GREB1L: variants seen among roughly 807,000 people sequenced by gnomAD.
GREB1L encodes GREB1 like retinoic acid receptor coactivator.
In GREB1L, 17 loss-of-function variants were observed where a neutral mutation model predicts 200.8. That is an observed-to-expected ratio of 0.08 (90% CI 0.06 to 0.13). The LOEUF is 0.13. GREB1L is among the 10% of genes least tolerant of loss of function. The pLI, the probability that GREB1L is intolerant of heterozygous loss-of-function variation, is 1.00. For missense variants in GREB1L, 1,657 were observed against 2,367.7 expected (o/e 0.70, Z 6.23); for synonymous variants, 789 against 893.0 (o/e 0.88, Z 2.08).
At chr18:21,448,037 C>A (rs552260708) in intron 11 of GREB1L, among the ~76,000 whole-genome samples, 1 of 151,980 alleles carries the variant, frequency 6.6e-6, no homozygotes, top group East Asian at 1.9e-4. Flanking sequence ...TTGGGCATGC[C>A]TGTAATCCCA....
At chr18:21,252,413 C>T (rs925140162) in intron 1 of GREB1L, among the ~76,000 whole-genome samples, 2 of 151,668 alleles carry the variant, frequency 1.3e-5, no homozygotes, top group African/African-American at 4.8e-5. Context: ...CAAAACTAGC[C>T]TGGTATGGTG....
intron 1 of GREB1L, among the ~76,000 whole-genome samples, chr18:21,249,080 T>C (rs985662712): frequency 6.6e-6 from 1 of 152,184 alleles, no homozygotes; most frequent in Admixed American, 6.5e-5. Flanking sequence ...AAAATCAAGT[T>C]GTAGTAAATA....
intron 1 of GREB1L, among the ~76,000 whole-genome samples, chr18:21,364,445 G>A (rs2039629731): frequency 6.6e-6 from 1 of 151,588 alleles, no homozygotes; most frequent in Admixed American, 6.6e-5. Context: ...GTTGGCCAGG[G>A]AGTAAGAAAG....
chr18:21,500,691 T>C lies in GREB1L; in HGVS notation c.4072+49T>C, dbSNP rs374869976. 4.7e-4 allele frequency: 612 copies of C among 1,303,760 alleles called. 3 individuals carry two copies. The highest frequency in any genetic ancestry group is 6.2e-4 in the Non-Finnish European group (592 of 949,638). 80.8% of individuals were successfully genotyped at this position (1,303,760 alleles called of 1,614,324 possible). A position where few individuals can be genotyped will look rare whatever the true frequency, so the allele number is the denominator to read the frequency against. On this transcript the variant is annotated intron_variant, in intron 23 of 32. Transcript: ENST00000424526. The stretch of plus-strand genomic sequence containing the variant: ...GGCAGAGGGGCAAGAGACAAAGACA[T>C]TGAATTGCAAATCCCGGGAACTTGC...
chr18:21,456,745 C>G (rs1296325066), intron 15 of GREB1L, among the ~76,000 whole-genome samples: 2 of 152,182 alleles, frequency 1.3e-5, no homozygotes, highest in East Asian at 1.9e-4. Flanking sequence ...AATGCCTTCT[C>G]TCATGGCTCT....
intron 1 of GREB1L, among the ~76,000 whole-genome samples, chr18:21,303,814 A>T (rs1254853569): frequency 2.6e-5 from 4 of 152,194 alleles, no homozygotes; most frequent in African/African-American, 9.6e-5. Context: ...ATATAAGGTC[A>T]TACTTATTGG....
chr18:21,334,782 A>AC (rs1289825025), intron 1 of GREB1L, among the ~76,000 whole-genome samples: 1 of 152,184 alleles, frequency 6.6e-6, no homozygotes, highest in East Asian at 1.9e-4. Context: ...CAAAAAAAAA[A>AC]AAAATTGCCC....
chr18:21,250,700 C>T (rs2037688330), intron 1 of GREB1L, among the ~76,000 whole-genome samples: 2 of 152,152 alleles, frequency 1.3e-5, no homozygotes, highest in African/African-American at 2.4e-5. Context: ...TTGGGGTATT[C>T]AGGGAACTCT....
At chr18:21,338,300 C>T (rs998813620) in intron 1 of GREB1L, among the ~76,000 whole-genome samples, 2 of 152,202 alleles carry the variant, frequency 1.3e-5, no homozygotes, top group African/African-American at 4.8e-5. Flanking sequence ...TGATGCAGTC[C>T]TTGAGCTAGA....
At chr18:21,277,334 A>C (rs1052426501) in intron 1 of GREB1L, among the ~76,000 whole-genome samples, 2 of 152,192 alleles carry the variant, frequency 1.3e-5, no homozygotes, top group African/African-American at 4.8e-5. Context: ...CCAGGTTGCC[A>C]TGCTAGGGGT....
intron 5 of GREB1L, among the ~76,000 whole-genome samples, chr18:21,396,363 C>A (rs967735455): frequency 6.6e-6 from 1 of 152,206 alleles, no homozygotes; most frequent in Admixed American, 6.5e-5. Context: ...TTTATTAATT[C>A]TCAAAACACT....
intron 1 of GREB1L, among the ~76,000 whole-genome samples, chr18:21,275,023 C>T (rs1385272551): frequency 2.0e-5 from 3 of 152,154 alleles, no homozygotes; most frequent in East Asian, 3.8e-4. Flanking sequence ...GGGCCGATCA[C>T]GAGGTCAGGA....
At chr18:21,491,191 T>TA (rs1416722252) in intron 19 of GREB1L, among the ~76,000 whole-genome samples, 1 of 152,192 alleles carries the variant, frequency 6.6e-6, no homozygotes, top group African/African-American at 2.4e-5. Flanking sequence ...CTAGCTACTG[T>TA]ATGTCTGAGT....
At chr18:21,377,647 G>A (rs569428755) in intron 2 of GREB1L, among the ~76,000 whole-genome samples, 3 of 152,286 alleles carry the variant, frequency 2.0e-5, no homozygotes, top group East Asian at 3.9e-4. Context: ...AGTGAGCCAA[G>A]ATTGTGCCAC....
rs1478110628 is a variant in GREB1L at position 21,401,234 on chromosome 18, C to T, written c.617C>T (p.Thr206Ile). The change falls in exon 6 of 33, where the codon ACC becomes ATC. Residue 206 changes from threonine (T) to isoleucine (I), a missense_variant. Thr to Ile is a moderately conservative substitution (Grantham distance 89). Transcript: ENST00000424526. ...TCCAACCACATTAACTTGAAGCTCA[C>T]CACTCAGCCAAAGAAGCAGAAGCAC... ...EFSNHINLKL[T>I]TQPKKQKHLK... The T allele has an allele frequency of 1.3e-6, 2 of 1,551,360 alleles. No homozygotes were observed. Among genetic ancestry groups the T allele is most frequent in the Non-Finnish European group, 1.7e-6 (2 of 1,146,788 alleles).
chr18:21,328,194 A>G (rs1175561966), intron 1 of GREB1L, among the ~76,000 whole-genome samples: 1 of 148,300 alleles, frequency 6.7e-6, no homozygotes, highest in African/African-American at 2.5e-5. Context: ...CCCGTTCCCC[A>G]GGATGTTTAA....
intron 1 of GREB1L, among the ~76,000 whole-genome samples, chr18:21,349,296 G>A (rs1339044817): frequency 1.3e-5 from 2 of 151,592 alleles, no homozygotes; most frequent in African/African-American, 4.9e-5. Context: ...CTAATTTAGT[G>A]TATAAGTCTC....
intron 17 of GREB1L, among the ~76,000 whole-genome samples, chr18:21,484,245 G>A (rs763209041): frequency 6.1e-5 from 9 of 148,540 alleles, no homozygotes; most frequent in Non-Finnish European, 1.3e-4. Flanking sequence ...GCACAATCTC[G>A]GCTCACTGCA....
intron 1 of GREB1L, among the ~76,000 whole-genome samples, chr18:21,304,018 C>A (rs2038660539): frequency 6.6e-6 from 1 of 152,148 alleles, no homozygotes; most frequent in African/African-American, 2.4e-5. Context: ...ATTCTTAACA[C>A]CTTTTAGTCA....
Sources: allele counts gnomAD v4.1 joint callset (sites outside exome capture counted in the v4.1 genomes callset), GRCh38; gene constraint gnomAD v4.1.1; transcripts MANE v1.5; gene names NCBI Gene and HGNC (gene_info 2026-07-23, HGNC 2026-07-21).